Variants in CACNA1B observed in about 807,000 individuals in gnomAD.
CACNA1B encodes the protein voltage-dependent N-type calcium channel subunit alpha-1B.
In CACNA1B, 70 loss-of-function variants were observed where a neutral mutation model predicts 247.2. The ratio of observed to expected loss-of-function variants is 0.28; its 90% CI spans 0.23 to 0.35. CACNA1B has a LOEUF of 0.35. Among genes scored for constraint, CACNA1B ranks in the 10% least tolerant of loss-of-function variants. The probability of loss-of-function intolerance (pLI) is 1.00; values close to 1 mark genes in which losing one functional copy is unlikely to be tolerated. For missense variants in CACNA1B, 2,367 were observed against 3,197.4 expected, an observed-to-expected ratio of 0.74 and a Z score of 6.26; for synonymous variants, 1,231 against 1,294.4, an observed-to-expected ratio of 0.95 and a Z score of 1.05.
intron 10 of CACNA1B, among the ~76,000 whole-genome samples, chr9:137,961,113 A>G (rs543307337): frequency 6.6e-5 from 10 of 152,192 alleles, no homozygotes; most frequent in Non-Finnish European, 1.2e-4. Context: ...TAGGGAATAC[A>G]TCCTAGCTTT....
At position 138,072,825 on chromosome 9, in the gene CACNA1B, A is replaced by G. The variant is rs1960177307; in HGVS notation, c.4675-663A>G. Among the ~76,000 whole-genome samples, 1 of 152,246 alleles carries G rather than the reference A, an allele frequency of 6.6e-6. No individual in the cohort carries two copies. The highest frequency in any genetic ancestry group is 1.5e-5 in the Non-Finnish European group (1 of 68,044). ...CTTGGATGAGGGAGCTCCACTAGAC[A>G]GCCTGGGCTCTCTAGAGCAGAGGCC... On this transcript the variant is annotated intron_variant, in intron 32 of 46. Transcript: ENST00000371372. The surrounding 1 kb of genome is among the most constrained non-coding windows in gnomAD (Gnocchi z 4.5).
intron 6 of CACNA1B, among the ~76,000 whole-genome samples, chr9:137,926,817 T>G (rs933913044): frequency 2.6e-5 from 4 of 152,242 alleles, no homozygotes; most frequent in Non-Finnish European, 4.4e-5. Context: ...TTTCTTGCAC[T>G]TATTGGCCAT....
chr9:138,061,317 G>C (rs1959714513), intron 31 of CACNA1B, among the ~76,000 whole-genome samples: 1 of 152,194 alleles, frequency 6.6e-6, no homozygotes. Flanking sequence ...GTTTGAACCA[G>C]GGCCTCTAGA....
intron 15 of CACNA1B, among the ~76,000 whole-genome samples, chr9:137,998,173 C>G (rs1171896454): frequency 6.6e-6 from 1 of 152,020 alleles, no homozygotes; most frequent in Non-Finnish European, 1.5e-5. Context: ...TGGCCACATT[C>G]TGATGTTTTA....
chr9:138,099,435 G>A (rs772707072), intron 37 of CACNA1B, among the ~76,000 whole-genome samples: 1 of 152,210 alleles, frequency 6.6e-6, no homozygotes, highest in Non-Finnish European at 1.5e-5. Context: ...GTGCACCTGT[G>A]TGTGCATATG....
intron 3 of CACNA1B, among the ~76,000 whole-genome samples, chr9:137,898,434 G>A (rs1256236497): frequency 6.6e-6 from 1 of 151,874 alleles, no homozygotes; most frequent in South Asian, 2.1e-4. Flanking sequence ...TTTTTTTCTG[G>A]AACTCTGATG....
Position 138,052,269 on chromosome 9 carries a change from T to G in CACNA1B, c.3807+81T>G, listed in dbSNP as rs1959319585. On this transcript the variant is annotated intron_variant, in intron 25 of 46. Coordinates refer to ENST00000371372, the MANE Select transcript of CACNA1B (RefSeq NM_000718.4). The surrounding 1 kb of genome is among the most constrained non-coding windows in gnomAD (Gnocchi z 5.1). ...GTGTGCGTGTGTGTGTGTGTATGCA[T>G]GCAGTGCATGAGTGTGTGTGTGTTC... The G allele has an allele frequency of 1.3e-6, 1 of 768,332 alleles. No individual in the cohort carries two copies. Among genetic ancestry groups the G allele is most frequent in the African/African-American group, 1.7e-5 (1 of 58,150 alleles). 47.6% of individuals were successfully genotyped at this position (768,332 alleles called of 1,614,324 possible). A position where few individuals can be genotyped will look rare whatever the true frequency, so the allele number is the denominator to read the frequency against.
Position 137,970,601 on chromosome 9 carries a change from C to T in CACNA1B, c.1334-782C>T, listed in dbSNP as rs147786238. Among the ~76,000 whole-genome samples the T allele has an allele frequency of 3.1e-4, 47 of 152,210 alleles. No individual in the cohort carries two copies. The East Asian group carries it at 8.9e-3, about 29-fold the overall frequency. ...CCACTGTCGGAGGTGAGCCGAGGGC[C>T]CTGTTCTAAATGGTGTGCCCAGAGC... On this transcript the variant is annotated intron_variant, in intron 10 of 46. Coordinates refer to ENST00000371372, the MANE Select transcript of CACNA1B (RefSeq NM_000718.4).
intron 10 of CACNA1B, among the ~76,000 whole-genome samples, chr9:137,964,465 C>G (rs1016446992): frequency 6.6e-6 from 1 of 152,052 alleles, no homozygotes; most frequent in Non-Finnish European, 1.5e-5. Context: ...AGATTCTTTC[C>G]TCTGCTTGAT....
intron 3 of CACNA1B, chr9:137,892,165 G>C (rs75328421): frequency 6.6e-6 from 3 of 456,770 alleles, no homozygotes; most frequent in African/African-American, 4.0e-5. Flanking sequence ...TCCCTTGAAC[G>C]ACTGGACACT....
At chr9:138,027,118 G>T (rs1290178054) in intron 20 of CACNA1B, among the ~76,000 whole-genome samples, 1 of 152,078 alleles carries the variant, frequency 6.6e-6, no homozygotes, top group Non-Finnish European at 1.5e-5. Context: ...CTGGCTGTTT[G>T]TTTTCTAGTT....
At chr9:137,963,598 C>G (rs554567114) in intron 10 of CACNA1B, among the ~76,000 whole-genome samples, 24 of 152,216 alleles carry the variant, frequency 1.6e-4, no homozygotes, top group African/African-American at 5.8e-4. Context: ...GAGGTTTCAC[C>G]ATGTTGGTCA....
At chr9:137,895,775 CAA>C (rs1257286319) in intron 3 of CACNA1B, among the ~76,000 whole-genome samples, 2 of 152,192 alleles carry the variant, frequency 1.3e-5, no homozygotes, top group African/African-American at 4.8e-5. Flanking sequence ...ACGTCATCTG[CAA>C]AGAGGAACAG....
chr9:137,879,023 G>T, intron 1 of CACNA1B, 31 bp from the exon 2 acceptor site: 1 of 1,442,812 alleles, frequency 6.9e-7, no homozygotes, highest in Non-Finnish European at 9.6e-7. Context: ...CCTCCGTGCG[G>T]CGTCTGCCGG....
At chr9:138,045,835 A>C (rs1004365086) in intron 21 of CACNA1B, among the ~76,000 whole-genome samples, 2 of 152,204 alleles carry the variant, frequency 1.3e-5, no homozygotes, top group Non-Finnish European at 1.5e-5. Context: ...TAGATGGCTG[A>C]GTTCCCTTCA....
In CACNA1B at chr9:138,051,740, G is replaced by C. The variant is rs1269155235; in HGVS notation, c.3711-352G>C. 6.6e-6 allele frequency among the ~76,000 whole-genome samples: 1 copy of C among 152,084 alleles called. No homozygotes were observed. The highest frequency in any genetic ancestry group is 2.4e-5 in the African/African-American group (1 of 41,396). On this transcript the variant is annotated intron_variant, in intron 24 of 46. Coordinates refer to ENST00000371372, the MANE Select transcript of CACNA1B (RefSeq NM_000718.4). The surrounding 1 kb of genome is among the most constrained non-coding windows in gnomAD (Gnocchi z 4.3). ...ATTCTCGCCCTAGAAACGTGCTTGT[G>C]GGCTCCCACTTCTGGGTCTGCAGTC...
At chr9:138,046,659 T>A (rs1040027756) in intron 21 of CACNA1B, among the ~76,000 whole-genome samples, 1 of 152,268 alleles carries the variant, frequency 6.6e-6, no homozygotes, top group East Asian at 1.9e-4. Flanking sequence ...TGTTGACCCC[T>A]GCCATGAGGT....
At chr9:137,992,747 A>G (rs1018524187) in intron 15 of CACNA1B, among the ~76,000 whole-genome samples, 3 of 151,600 alleles carry the variant, frequency 2.0e-5, no homozygotes, top group Non-Finnish European at 4.4e-5. Context: ...CAGTGAGCCG[A>G]GATCCGGCCA....
Position 137,913,040 on chromosome 9 carries a change from C to T in CACNA1B, c.531-140C>T, listed in dbSNP as rs1323524861. ...ACAGTGGGGGGACACAGGTGCTGGC[C>T]CTGTGGTTGGACAGTGGGGACACAG... is the stretch of plus-strand genomic sequence containing the variant. On this transcript the variant is annotated intron_variant, in intron 3 of 46. Transcript: ENST00000371372. The surrounding 1 kb of genome is among the most constrained non-coding windows in gnomAD (Gnocchi z 5.2). 1.5e-6 allele frequency: 1 copy of T among 666,600 alleles called. No individual in the cohort carries two copies. Among genetic ancestry groups the T allele is most frequent in the Admixed American group, 2.4e-5 (1 of 42,428 alleles). The allele number at this position is 666,600 out of a possible 1,614,324, so 41.3% of individuals were successfully genotyped here.
Sources: gnomAD v4.1 joint callset for allele counts (sites outside exome capture counted in the v4.1 genomes callset) on GRCh38, gnomAD v4.1.1 for gene constraint, Gnocchi (gnomAD v3.1) non-coding constraint, MANE v1.5 for transcripts, NCBI Gene and HGNC (gene_info 2026-07-23, HGNC 2026-07-21) for gene names.